Variants in GAREM2 observed in about 807,000 individuals in gnomAD.
The protein encoded by GAREM2 is GRB2 associated regulator of MAPK1 subtype 2.
In GAREM2, 30 loss-of-function variants were observed where a neutral mutation model predicts 55.6. The ratio of observed to expected loss-of-function variants is 0.54; its 90% confidence interval spans 0.40 to 0.73. The LOEUF is 0.73. Ranked by LOEUF, GAREM2 falls within the 30% of genes least tolerant of loss-of-function variation. GAREM2 has a pLI of 0.00. For missense variants in GAREM2, 1,075 were observed against 1,257.7 expected, an observed-to-expected ratio of 0.85 and a Z score of 2.20; for synonymous variants, 550 against 569.1, an observed-to-expected ratio of 0.97 and a Z score of 0.48.
chr2:26,186,323 C>T lies in GAREM2; in HGVS notation c.1563C>T (p.Ser521=), dbSNP rs780873920. 5.8e-6 allele frequency: 9 copies of T among 1,551,756 alleles called. No individual in the cohort carries two copies. Among genetic ancestry groups the T allele is most frequent in the African/African-American group, 1.4e-5 (1 of 73,020 alleles). Residue 521 remains serine (S), a synonymous_variant, in exon 5 of 6, where the codon TCC becomes TCT. Coordinates refer to ENST00000401533, the MANE Select transcript of GAREM2 (RefSeq NM_001168241.2). ...TGCAGCCGGTACATTCCCCCAGCTCCAGCCTCTCCTACTACTCCTCTGGCC... is the reference window on the plus strand; with the variant it reads ...TGCAGCCGGTACATTCCCCCAGCTCTAGCCTCTCCTACTACTCCTCTGGCC... ...PKLQPVHSPS[S]SLSYYSSGLQ... is the part of the protein sequence containing the mutation.
chr2:26,192,440 A>G (rs376113444), downstream of GAREM2: 175 of 1,282,520 alleles, frequency 1.4e-4, no homozygotes, highest in South Asian at 4.6e-4. Context: ...ACAGGCAAGA[A>G]AAGGGAGTGT....
intron 5 of GAREM2, 36 bp from the exon 6 acceptor site, chr2:26,187,194 AC>A (rs1669291075): frequency 1.4e-6 from 2 of 1,424,556 alleles, no homozygotes; most frequent in Non-Finnish European, 1.8e-6. Context: ...TCTCAGCCTC[AC>A]CTGTCCTATG....
At chr2:26,186,433 A>C in intron 5 of GAREM2, 75 bp downstream of exon 5, 1 of 1,375,482 alleles carries the variant, frequency 7.3e-7, no homozygotes. Flanking sequence ...GGGGAACTAC[A>C]GTGCTGAGGA....
At chr2:26,173,446 C>A (rs1303195796) in intron 1 of GAREM2, 114 bp downstream of exon 1, 2 of 462,894 alleles carry the variant, frequency 4.3e-6, no homozygotes, top group Non-Finnish European at 6.5e-6. Flanking sequence ...CCCAGCTCCC[C>A]GGCGTGGGCC....
downstream of GAREM2, chr2:26,191,049 A>T (rs894836015): frequency 9.3e-6 from 6 of 648,212 alleles, no homozygotes; most frequent in African/African-American, 8.9e-5. Flanking sequence ...ACCTTCCAAC[A>T]GGAAGTGCAA....
rs1461938862 is a variant in GAREM2 at position 26,182,143 on chromosome 2, G to T, written c.254-824G>T. On this transcript the variant is annotated intron_variant, in intron 2 of 5. Coordinates refer to ENST00000401533, the MANE Select transcript of GAREM2 (RefSeq NM_001168241.2). ...GCTCATGTGGGTATGCATATAACAGGTGTCTGGCCAGTGAGGTGAGAGAGC... is the reference window on the plus strand; with the variant it reads ...GCTCATGTGGGTATGCATATAACAGTTGTCTGGCCAGTGAGGTGAGAGAGC... 3 of 1,268,268 alleles carry T rather than the reference G, an allele frequency of 2.4e-6. No homozygotes were observed. The Admixed American group carries it at 1.1e-4, about 45-fold the overall frequency. The allele number at this position is 1,268,268 out of a possible 1,614,324, so 78.6% of individuals were successfully genotyped here.
At chr2:26,178,129 C>G (rs953325567) in intron 2 of GAREM2, among the ~76,000 whole-genome samples, 1 of 152,166 alleles carries the variant, frequency 6.6e-6, no homozygotes, top group Admixed American at 6.5e-5. Flanking sequence ...CTCCACCCCC[C>G]AAACCCTTAA....
rs1242104629 is a variant in GAREM2, at chr2:26,186,341, C to A, written c.1581C>A (p.Ser527=). Residue 527 remains serine (S), a synonymous_variant, in exon 5 of 6, where the codon TCC becomes TCA. Coordinates refer to ENST00000401533, the MANE Select transcript of GAREM2 (RefSeq NM_001168241.2). ...HSPSSSLSYY[S]SGLQDGAGSR... ...CCAGCTCCAGCCTCTCCTACTACTC[C>A]TCTGGCCTCCAGGATGGGTGAGTCC... The A allele has an allele frequency of 6.4e-7, 1 of 1,551,932 alleles. No homozygotes were observed. Among genetic ancestry groups the A allele is most frequent in the Admixed American group, 2.0e-5 (1 of 50,990 alleles).
rs1558310949 is a variant in GAREM2 at position 26,187,939 on chromosome 2, AG to A, written c.2308del (p.Ala770HisfsTer4). The A allele has an allele frequency of 5.5e-6, 8 of 1,450,516 alleles. No homozygotes were observed. The highest frequency in any genetic ancestry group is 1.4e-5 in the African/African-American group (1 of 69,660). 89.9% of individuals were successfully genotyped at this position (1,450,516 alleles called of 1,614,324 possible). A position where few individuals can be genotyped will look rare whatever the true frequency, so the allele number is the denominator to read the frequency against. On this transcript the variant is annotated frameshift_variant, in exon 6 of 6. Transcript: ENST00000401533. LOFTEE classifies it high-confidence loss of function. Reference protein sequence around the residue: ...AALQGPEAGGALFLTQGRLEG... With the variant: ...AALQGPEAGGXLFLTQGRLEG... Reference sequence around the variant, plus strand: ...CTCTGCAGGGACCCGAGGCGGGAGGAGCACTTTTTCTAACCCAAGGGCGCCT... The same window carrying A: ...CTCTGCAGGGACCCGAGGCGGGAGGACACTTTTTCTAACCCAAGGGCGCCT...
At chr2:26,201,650 C>T in the GAREM2 span, among the ~76,000 whole-genome samples, 1 of 152,306 alleles carries the variant, frequency 6.6e-6, no homozygotes, top group African/African-American at 2.4e-5. Context: ...AACATGAATA[C>T]TAGAATGGCA....
downstream of GAREM2, chr2:26,192,534 C>G: frequency 1.3e-6 from 1 of 747,846 alleles, no homozygotes; most frequent in Non-Finnish European, 2.4e-6. Context: ...CGCCTGTAAT[C>G]CCAGCACTTT....
chr2:26,177,741 C>T (rs1190378489), intron 2 of GAREM2, among the ~76,000 whole-genome samples: 2 of 152,120 alleles, frequency 1.3e-5, no homozygotes, highest in African/African-American at 4.8e-5. Flanking sequence ...ATTCTCCTGC[C>T]TCGGCCTACC....
At chr2:26,193,801 G>A, downstream of GAREM2, 3 of 1,591,216 alleles carry the variant, frequency 1.9e-6, no homozygotes, top group South Asian at 1.1e-5. Flanking sequence ...AGGGACCTCA[G>A]GGGAAGGGCA....
chr2:26,176,080 C>T (rs565903828), intron 1 of GAREM2, among the ~76,000 whole-genome samples: 26 of 152,302 alleles, frequency 1.7e-4, no homozygotes, highest in African/African-American at 6.3e-4. Context: ...AGCTCAGAGC[C>T]AGGGACAGCA....
the GAREM2 span, chr2:26,194,996 C>A: frequency 4.8e-6 from 5 of 1,049,986 alleles, no homozygotes; most frequent in Admixed American, 8.4e-5. Flanking sequence ...AAAGTCTGGT[C>A]ATTTGCCCCA....
At chr2:26,193,710 G>A (rs761749332), downstream of GAREM2, 103 of 1,613,708 alleles carry the variant, frequency 6.4e-5, no homozygotes, top group East Asian at 1.8e-4. Context: ...CCAGTGTGGC[G>A]GCACCCACAG....
the GAREM2 span, among the ~76,000 whole-genome samples, chr2:26,203,715 G>A: frequency 2.0e-5 from 3 of 152,222 alleles, no homozygotes; most frequent in South Asian, 6.2e-4. Flanking sequence ...GCAATTACCT[G>A]CAAACTATAT....
In GAREM2 at chr2:26,188,571, A is replaced by G. The variant is rs1041325073; in HGVS notation, c.*314A>G. The G allele has an allele frequency of 3.5e-6, 1 of 285,362 alleles. No homozygotes were observed. Among genetic ancestry groups the G allele is most frequent in the African/African-American group, 2.2e-5 (1 of 46,172 alleles). The allele number at this position is 285,362 out of a possible 1,614,324, so 17.7% of individuals were successfully genotyped here. Reference sequence around the variant, plus strand: ...CAAAAGCTGGCCTTCAGGGTGACCTAACACCACCTCATGCCCTGCTATAGA... The same window carrying G: ...CAAAAGCTGGCCTTCAGGGTGACCTGACACCACCTCATGCCCTGCTATAGA... On this transcript the variant is annotated 3_prime_UTR_variant, in exon 6 of 6. Coordinates refer to ENST00000401533, the MANE Select transcript of GAREM2 (RefSeq NM_001168241.2).
chr2:26,201,757 A>G, the GAREM2 span, among the ~76,000 whole-genome samples: 1 of 152,108 alleles, frequency 6.6e-6, no homozygotes, highest in African/African-American at 2.4e-5. Flanking sequence ...TATCGCAAAT[A>G]TATAATTTTA....
Sources: gnomAD v4.1 joint callset for allele counts (sites outside exome capture counted in the v4.1 genomes callset) on GRCh38, gnomAD v4.1.1 for gene constraint, MANE v1.5 for transcripts, NCBI Gene and HGNC (gene_info 2026-07-23, HGNC 2026-07-21) for gene names.